Variants in COL24A1 observed in about 807,000 individuals in gnomAD.
COL24A1 encodes collagen alpha-1(XXIV) chain.
Under a neutral mutation model 253.9 loss-of-function variants are expected in COL24A1, and 224 were observed. The observed-to-expected ratio is 0.88, with a 90% CI of 0.79 to 0.99. The LOEUF (loss-of-function observed/expected upper bound fraction) is 0.99, where lower values mean the gene tolerates loss of function less well. Ranked by LOEUF, COL24A1 falls within the 50% of genes least tolerant of loss-of-function variation. The probability of loss-of-function intolerance (pLI) is 0.00; values close to 1 mark genes in which losing one functional copy is unlikely to be tolerated. For missense variants in COL24A1, 2,131 were observed against 2,068.5 expected, an observed-to-expected ratio of 1.03 and a Z score of -0.59; for synonymous variants, 685 against 673.7, an observed-to-expected ratio of 1.02 and a Z score of -0.26.
chr1:85,755,803 C>A lies in COL24A1; in HGVS notation c.4437+5593G>T, dbSNP rs181884958. Among the ~76,000 whole-genome samples the A allele has an allele frequency of 2.1e-3, 314 of 150,694 alleles. 2 individuals are homozygous for A. Among genetic ancestry groups the A allele is most frequent in the African/African-American group, 7.2e-3 (297 of 41,046 alleles). On this transcript the variant is annotated intron_variant, in intron 55 of 59. Transcript: ENST00000370571. ...GGTAAAACTATAAAATTATTAGAAGCAAATAGGAAAAGCTTGATAACATTT... is the reference window on the plus strand; with the variant it reads ...GGTAAAACTATAAAATTATTAGAAGAAAATAGGAAAAGCTTGATAACATTT...
intron 6 of COL24A1, among the ~76,000 whole-genome samples, chr1:86,091,962 G>A (rs968205840): frequency 1.6e-4 from 25 of 152,176 alleles, no homozygotes; most frequent in African/African-American, 6.0e-4. Context: ...ACAGCAAAAT[G>A]TCTGCAGTTA....
At chr1:86,112,125 G>T (rs1705680395) in intron 5 of COL24A1, among the ~76,000 whole-genome samples, 1 of 152,000 alleles carries the variant, frequency 6.6e-6, no homozygotes, top group African/African-American at 2.4e-5. Flanking sequence ...ATAAACATTT[G>T]TTCATTCTTT....
intron 7 of COL24A1, among the ~76,000 whole-genome samples, chr1:86,078,937 A>G (rs905133762): frequency 1.3e-5 from 2 of 152,204 alleles, no homozygotes; most frequent in African/African-American, 4.8e-5. Flanking sequence ...TATTCTTCAT[A>G]GAAATAGAAA....
chr1:85,961,847 C>T (rs1691108677), intron 23 of COL24A1, among the ~76,000 whole-genome samples: 2 of 152,062 alleles, frequency 1.3e-5, no homozygotes, highest in East Asian at 1.9e-4. Context: ...AGAACTCACT[C>T]GCTATCCCAA....
chr1:85,739,426 T>A (rs1405167483), intron 57 of COL24A1, among the ~76,000 whole-genome samples: 1 of 152,204 alleles, frequency 6.6e-6, no homozygotes, highest in South Asian at 2.1e-4. Flanking sequence ...TGAGCCTAAA[T>A]GTTCTGACTC....
intron 24 of COL24A1, among the ~76,000 whole-genome samples, chr1:85,941,204 A>C (rs530438482): frequency 1.3e-5 from 2 of 152,104 alleles, no homozygotes; most frequent in Non-Finnish European, 1.5e-5. Context: ...TCACATGTAA[A>C]TTGTTAAATT....
intron 47 of COL24A1, among the ~76,000 whole-genome samples, chr1:85,811,331 T>A (rs1672503879): frequency 6.6e-6 from 1 of 152,230 alleles, no homozygotes; most frequent in African/African-American, 2.4e-5. Context: ...TTCACTCTAG[T>A]CATCTTTTTA....
chr1:86,020,899 G>A (rs76972887), intron 18 of COL24A1, among the ~76,000 whole-genome samples: 7,636 of 152,186 alleles, frequency 0.05, 275 homozygotes, highest in Non-Finnish European at 0.078. Flanking sequence ...ACAAGGGAGG[G>A]TACACGGCTT....
At chr1:86,104,696 G>A (rs1299649450) in intron 5 of COL24A1, among the ~76,000 whole-genome samples, 1 of 152,226 alleles carries the variant, frequency 6.6e-6, no homozygotes, top group Non-Finnish European at 1.5e-5. Context: ...CTGAGGGACT[G>A]ATATTGGGCC....
At chr1:86,043,962 T>C (rs1179372558) in intron 12 of COL24A1, among the ~76,000 whole-genome samples, 1 of 152,234 alleles carries the variant, frequency 6.6e-6, no homozygotes, top group Non-Finnish European at 1.5e-5. Flanking sequence ...TGTATAGGTG[T>C]CATCCATCTA....
chr1:85,999,064 G>C (rs1695142923), intron 19 of COL24A1, among the ~76,000 whole-genome samples: 1 of 152,188 alleles, frequency 6.6e-6, no homozygotes, highest in African/African-American at 2.4e-5. Context: ...GATACTGATA[G>C]AGACATAGCT....
At chr1:85,822,111 G>A (rs1014949448) in intron 45 of COL24A1, among the ~76,000 whole-genome samples, 17 of 152,072 alleles carry the variant, frequency 1.1e-4, no homozygotes, top group Admixed American at 7.9e-4. Context: ...GCTTGTTTAG[G>A]CTTATCTTCG....
chr1:85,919,723 C>A (rs961838700), intron 24 of COL24A1, among the ~76,000 whole-genome samples: 33 of 152,040 alleles, frequency 2.2e-4, no homozygotes, highest in Admixed American at 2.2e-3. Flanking sequence ...AGAGAGAGCA[C>A]CTGGTTTTCT....
intron 10 of COL24A1, among the ~76,000 whole-genome samples, chr1:86,054,693 G>T (rs1700547255): frequency 6.6e-6 from 1 of 152,124 alleles, no homozygotes; most frequent in Non-Finnish European, 1.5e-5. Flanking sequence ...ACTGCTGGTG[G>T]TAATGCAAAT....
intron 8 of COL24A1, among the ~76,000 whole-genome samples, chr1:86,061,846 T>C (rs901662468): frequency 2.6e-5 from 4 of 152,070 alleles, no homozygotes; most frequent in African/African-American, 9.7e-5. Context: ...GATACAGTTA[T>C]ATCAACAGCC....
chr1:86,013,272 C>T (rs749048074), intron 19 of COL24A1, among the ~76,000 whole-genome samples: 2 of 152,130 alleles, frequency 1.3e-5, no homozygotes, highest in Non-Finnish European at 2.9e-5. Flanking sequence ...ATCATTTTGG[C>T]CCCTAATAGA....
At chr1:86,083,065 AG>A (rs1702773189) in intron 7 of COL24A1, among the ~76,000 whole-genome samples, 1 of 152,066 alleles carries the variant, frequency 6.6e-6, no homozygotes, top group African/African-American at 2.4e-5. Flanking sequence ...TGGGAGGCCG[AG>A]GCGGGCGAAT....
At chr1:85,760,052 G>T (rs993719552) in intron 55 of COL24A1, among the ~76,000 whole-genome samples, 14 of 42,812 alleles carry the variant, frequency 3.3e-4, no homozygotes, top group Non-Finnish European at 6.7e-4. Context: ...CTTGGAGAAA[G>T]ACATTGTTTT....
At chr1:86,063,359 CTG>C (rs372205588) in intron 8 of COL24A1, among the ~76,000 whole-genome samples, 38 of 117,364 alleles carry the variant, frequency 3.2e-4, no homozygotes, top group Admixed American at 3.3e-4. Flanking sequence ...GTCTCTCTCT[CTG>C]TGTGTGTGTG....
Sources: allele counts gnomAD v4.1 joint callset (sites outside exome capture counted in the v4.1 genomes callset), GRCh38; gene constraint gnomAD v4.1.1; transcripts MANE v1.5; gene names NCBI Gene and HGNC (gene_info 2026-07-23, HGNC 2026-07-21).